Variants in NF1 observed in about 807,000 individuals in gnomAD.
The protein encoded by NF1 is neurofibromin.
Under a neutral mutation model 325.7 loss-of-function variants are expected in NF1, and 122 were observed. That is an observed-to-expected ratio of 0.37 (90% confidence interval 0.32 to 0.44). The LOEUF is 0.44. Among genes scored for constraint, NF1 ranks in the 20% least tolerant of loss-of-function variants. The probability of loss-of-function intolerance (pLI) is 1.00; values close to 1 mark genes in which losing one functional copy is unlikely to be tolerated. For synonymous variants in NF1, 1,091 were observed against 1,186.0 expected (o/e 0.92, Z 1.65); for missense variants, 2,140 against 3,415.4 (o/e 0.63, Z 9.31).
chr17:31,366,713 A>G (rs997711141), intron 57 of NF1, among the ~76,000 whole-genome samples: 2 of 152,096 alleles, frequency 1.3e-5, no homozygotes, highest in African/African-American at 2.4e-5. Context: ...ACATCATGAG[A>G]CCCTCGTCTT....
chr17:31,209,642 T>C lies in NF1; in HGVS notation c.1392+3271T>C, dbSNP rs1383143590. Among the ~76,000 whole-genome samples the C allele has an allele frequency of 4.6e-5, 7 of 152,108 alleles. No homozygotes were observed. In the East Asian group the frequency reaches 1.2e-3, roughly 25 times the overall value. ...ATTTTATTCTTTTAGCTCTCTCTCT[T>C]TTTTTTTCTTCTTGAGACAGAGTCC... is the stretch of plus-strand genomic sequence containing the variant. On this transcript the variant is annotated intron_variant, in intron 12 of 57. Transcript: ENST00000358273.
intron 12 of NF1, among the ~76,000 whole-genome samples, chr17:31,212,020 A>C (rs2066736934): frequency 6.6e-6 from 1 of 152,182 alleles, no homozygotes; most frequent in South Asian, 2.1e-4. Context: ...TTTAAAATAT[A>C]AACTTTTAAA....
In NF1 at chr17:31,162,455, A is replaced by G. The variant is rs754018289; in HGVS notation, c.289-731A>G. 2.8e-4 allele frequency among the ~76,000 whole-genome samples: 42 copies of G among 152,292 alleles called. 1 individual carries two copies. The highest frequency in any genetic ancestry group is 2.1e-4 in the South Asian group (1 of 4,824). On this transcript the variant is annotated intron_variant, in intron 3 of 57. Transcript: ENST00000358273. ...TTGCGCCCTTGCATAGAATAGTGAA[A>G]CTAAGGAAACATCATGTTGTAATCG...
At chr17:31,246,208 G>A (rs951093689) in intron 29 of NF1, among the ~76,000 whole-genome samples, 4 of 152,232 alleles carry the variant, frequency 2.6e-5, no homozygotes, top group Non-Finnish European at 5.9e-5. Context: ...GATAGTAGAT[G>A]TGCACTAAAT....
At chr17:31,308,041 G>T in intron 36 of NF1, 1 of 565,110 alleles carries the variant, frequency 1.8e-6, no homozygotes, top group Non-Finnish European at 2.9e-6. Context: ...GTTCTCCTTT[G>T]AACTCTCCTG....
At chr17:31,316,345 G>A (rs1037256448) in intron 36 of NF1, among the ~76,000 whole-genome samples, 1 of 152,148 alleles carries the variant, frequency 6.6e-6, no homozygotes, top group Non-Finnish European at 1.5e-5. Flanking sequence ...ACTTCTGTTT[G>A]TTCAGTAACT....
chr17:31,244,033 T>C (rs1321166082), intron 29 of NF1, among the ~76,000 whole-genome samples: 1 of 152,094 alleles, frequency 6.6e-6, no homozygotes, highest in African/African-American at 2.4e-5. Context: ...CAGCAGGTGA[T>C]GAGTTCTGCC....
At chr17:31,098,900 C>T (rs530561590) in intron 1 of NF1, among the ~76,000 whole-genome samples, 1 of 148,154 alleles carries the variant, frequency 6.7e-6, no homozygotes, top group East Asian at 2.0e-4. Flanking sequence ...CCACTGCACT[C>T]CAGCCTGGGT....
At chr17:31,117,188 C>T (rs1327600238) in intron 1 of NF1, among the ~76,000 whole-genome samples, 8 of 151,028 alleles carry the variant, frequency 5.3e-5, no homozygotes, top group African/African-American at 1.9e-4. Context: ...ACCATATTGG[C>T]CAGGCTGGTC....
At chr17:31,358,740 C>T in intron 55 of NF1, 118 bp downstream of exon 55, 1 of 1,396,076 alleles carries the variant, frequency 7.2e-7, no homozygotes, top group Non-Finnish European at 1.0e-6. Context: ...CTTTTATTTC[C>T]ATATTCCATT....
intron 29 of NF1, among the ~76,000 whole-genome samples, chr17:31,239,654 T>C (rs1234254961): frequency 6.8e-6 from 1 of 146,846 alleles, no homozygotes; most frequent in African/African-American, 2.7e-5. Flanking sequence ...TGTGGGTACA[T>C]AGTAGGTGTT....
At chr17:31,318,491 G>T (rs754105973) in intron 36 of NF1, 1 of 1,614,024 alleles carries the variant, frequency 6.2e-7, no homozygotes, top group Non-Finnish European at 8.5e-7. Flanking sequence ...CTAGGCTGAC[G>T]CTTGCCTACT....
chr17:31,173,453 G>C (rs1038006459), intron 5 of NF1, among the ~76,000 whole-genome samples: 11 of 151,928 alleles, frequency 7.2e-5, no homozygotes, highest in Middle Eastern at 3.4e-3. Flanking sequence ...AAAATTAGCC[G>C]GGTGTGGTGG....
At chr17:31,163,424 G>A (rs2143675161) in intron 4 of NF1, 48 bp downstream of exon 4, 2 of 1,580,472 alleles carry the variant, frequency 1.3e-6, no homozygotes, top group Non-Finnish European at 1.7e-6. Flanking sequence ...ATGAATATTA[G>A]AAGTTTTGTT....
At position 31,258,466 on chromosome 17, in the gene NF1, A is replaced by G. The variant is rs864622492; in HGVS notation, c.4296A>G (p.Pro1432=). 1 of 1,613,864 alleles carries G rather than the reference A, an allele frequency of 6.2e-7. No individual in the cohort carries two copies. Among genetic ancestry groups the G allele is most frequent in the Admixed American group, 1.7e-5 (1 of 59,982 alleles). Residue 1432 remains proline, a synonymous_variant, in exon 32 of 58, where the codon CCA becomes CCG. Transcript: ENST00000358273. The stretch of plus-strand genomic sequence containing the variant: ...CAGGGATTTTAGATAAAAAGCCACC[A>G]CCTAGAATCGAAAGGGGCTTGAAGT... ...YEAGILDKKP[P]PRIERGLKLM...
intron 36 of NF1, among the ~76,000 whole-genome samples, chr17:31,275,512 G>C (rs970168379): frequency 2.0e-5 from 3 of 152,058 alleles, no homozygotes; most frequent in Non-Finnish European, 2.9e-5. Context: ...ATCTCTTACT[G>C]TGCCTAATTT....
chr17:31,334,983 A>G lies in NF1; in HGVS notation c.5958A>G (p.Lys1986=), dbSNP rs1216926117. 6 of 1,613,494 alleles carry G rather than the reference A, an allele frequency of 3.7e-6. No individual in the cohort carries two copies. Among genetic ancestry groups the G allele is most frequent in the South Asian group, 1.1e-5 (1 of 91,052 alleles). ...DKLITMTINE[K]QMYPSIQAKI... ...TGATAACAATGACCATCAATGAAAA[A>G]CAGATGTACCCATCTATTCAAGCAA... Residue 1986 remains lysine (K), a synonymous_variant, in exon 40 of 58, where the codon AAA becomes AAG. Coordinates refer to ENST00000358273, the MANE Select transcript of NF1 (RefSeq NM_001042492.3).
In NF1 at chr17:31,337,511, T is replaced by C. The variant is rs754630324; in HGVS notation, c.6571T>C (p.Ser2191Pro). The C allele has an allele frequency of 6.2e-7, 1 of 1,614,098 alleles. No homozygotes were observed. Among genetic ancestry groups the C allele is most frequent in the African/African-American group, 1.3e-5 (1 of 75,046 alleles). Residue 2191 changes from serine (S) to proline (P), a missense_variant, in exon 43 of 58, where the codon TCC becomes CCC. Coordinates refer to ENST00000358273, the MANE Select transcript of NF1 (RefSeq NM_001042492.3). ...CCGGGACAGGTCATTCTCTCCTGGC[T>C]CCTATGAGAGAGAGACTTTTGCTTT... ...SYRDRSFSPGSYERETFALTS... is the reference protein window; with the variant it reads ...SYRDRSFSPGPYERETFALTS...
At chr17:31,281,775 C>A (rs560980135) in intron 36 of NF1, among the ~76,000 whole-genome samples, 1 of 152,032 alleles carries the variant, frequency 6.6e-6, no homozygotes, top group African/African-American at 2.4e-5. Context: ...TGTACAATTG[C>A]CTGGGCACAG....
Sources: gnomAD v4.1 joint callset for allele counts (sites outside exome capture counted in the v4.1 genomes callset) on GRCh38, gnomAD v4.1.1 for gene constraint, MANE v1.5 for transcripts, NCBI Gene and HGNC (gene_info 2026-07-23, HGNC 2026-07-21) for gene names.